The following WWOX variants were observed in gnomAD, a reference collection of about 807,000 sequenced individuals.
WWOX encodes WW domain-containing oxidoreductase.
Under a neutral mutation model 46.2 loss-of-function variants are expected in WWOX, and 69 were observed. That is an observed-to-expected ratio of 1.49 (90% confidence interval 1.23 to 1.82). The LOEUF is 1.82. Among genes scored for constraint, WWOX ranks in the 40% most tolerant of loss-of-function variants. The probability of loss-of-function intolerance (pLI) is 0.00; values close to 1 mark genes in which losing one functional copy is unlikely to be tolerated. For missense variants in WWOX, 919 were observed against 542.6 expected (o/e 1.69, Z -6.89); for synonymous variants, 359 against 202.6 (o/e 1.77, Z -6.56).
chr16:78,324,086 A>G (rs2080553409), intron 5 of WWOX, among the ~76,000 whole-genome samples: 1 of 152,120 alleles, frequency 6.6e-6, no homozygotes, highest in Non-Finnish European at 1.5e-5. Context: ...TCAAGGCTAC[A>G]GTAAGCTTGA....
At chr16:79,210,565 C>A (rs1425950537) in intron 8 of WWOX, among the ~76,000 whole-genome samples, 1 of 152,144 alleles carries the variant, frequency 6.6e-6, no homozygotes, top group Non-Finnish European at 1.5e-5. Flanking sequence ...CTCTTGCAAC[C>A]CCTCTCCCTC....
At chr16:78,759,539 G>A (rs1362036263) in intron 8 of WWOX, among the ~76,000 whole-genome samples, 1 of 151,986 alleles carries the variant, frequency 6.6e-6, no homozygotes, top group African/African-American at 2.4e-5. Flanking sequence ...CCATATCTCG[G>A]GCACAAACCT....
intron 8 of WWOX, among the ~76,000 whole-genome samples, chr16:78,561,215 G>T (rs1207947873): frequency 6.6e-6 from 1 of 152,164 alleles, no homozygotes; most frequent in East Asian, 1.9e-4. Flanking sequence ...CTCAAAGCCA[G>T]CAACAGAAAC....
At chr16:78,967,249 A>C (rs1350678013) in intron 8 of WWOX, among the ~76,000 whole-genome samples, 1 of 149,808 alleles carries the variant, frequency 6.7e-6, no homozygotes, top group African/African-American at 2.5e-5. Context: ...ATCTAGCCCC[A>C]AACAACTGGG....
chr16:78,662,644 C>T (rs866430158), intron 8 of WWOX, among the ~76,000 whole-genome samples: 3 of 152,196 alleles, frequency 2.0e-5, no homozygotes, highest in African/African-American at 4.8e-5. Flanking sequence ...AAACAACATA[C>T]ATTCATCATT....
intron 8 of WWOX, among the ~76,000 whole-genome samples, chr16:79,005,156 G>C (rs1255601235): frequency 6.6e-6 from 1 of 152,064 alleles, no homozygotes; most frequent in Non-Finnish European, 1.5e-5. Flanking sequence ...TTTCTCTTTT[G>C]CTTGCCTTGT....
chr16:78,334,830 ACATAC>A (rs1256774256), intron 5 of WWOX, among the ~76,000 whole-genome samples: 1 of 106,842 alleles, frequency 9.4e-6, no homozygotes, highest in Non-Finnish European at 1.9e-5. Context: ...ACACACACAC[ACATAC>A]ACACACACAC....
intron 5 of WWOX, among the ~76,000 whole-genome samples, chr16:78,230,868 C>G (rs571065432): frequency 2.6e-5 from 4 of 152,336 alleles, no homozygotes; most frequent in African/African-American, 9.6e-5. Flanking sequence ...TTTAGATTCT[C>G]CATGCCACTC....
chr16:78,314,688 GTTTTTTTTTTTTGTT>G (rs1478420759), intron 5 of WWOX, among the ~76,000 whole-genome samples: 1 of 90,512 alleles, frequency 1.1e-5, no homozygotes, highest in African/African-American at 4.9e-5. Context: ...CCCTGCAGGG[GTTTTTTTTTTTTGTT>G]TTTTTTTTTT....
At chr16:78,526,936 A>G (rs530121517) in intron 8 of WWOX, among the ~76,000 whole-genome samples, 1 of 152,278 alleles carries the variant, frequency 6.6e-6, no homozygotes, top group South Asian at 2.1e-4. Flanking sequence ...AGGCCGAGGC[A>G]GGTGGATCAC....
chr16:78,303,623 C>T (rs2080082037), intron 5 of WWOX, among the ~76,000 whole-genome samples: 1 of 152,212 alleles, frequency 6.6e-6, no homozygotes. Flanking sequence ...CGGCTCACTG[C>T]AACCTCCACC....
Position 78,947,372 on chromosome 16 carries a change from C to CT in WWOX, c.1057-264234dup, listed in dbSNP as rs563187854. ...CCCTAGCTGCATTTGTTATTTTTCT[C>CT]TTCCCCCCCTTAGCTGTATCCCTGC... On this transcript the variant is annotated intron_variant, in intron 8 of 8. Transcript: ENST00000566780. Among the ~76,000 whole-genome samples the CT allele has an allele frequency of 9.3e-4, 135 of 145,454 alleles. 4 individuals are homozygous for CT. In the South Asian group the frequency reaches 0.026, roughly 28 times the overall value.
chr16:79,208,631 A>ATC (rs143257890), intron 8 of WWOX, among the ~76,000 whole-genome samples: 3 of 151,074 alleles, frequency 2.0e-5, no homozygotes, highest in African/African-American at 7.3e-5. Flanking sequence ...TGCTCTTTAA[A>ATC]TTTTTTTTTT....
At chr16:78,444,068 G>C (rs776807180) in intron 8 of WWOX, among the ~76,000 whole-genome samples, 65 of 152,136 alleles carry the variant, frequency 4.3e-4, no homozygotes, top group Admixed American at 2.4e-3. Flanking sequence ...AAAACAAAGA[G>C]GGCTGAAACC....
chr16:78,390,917 G>A (rs573795324), intron 6 of WWOX, among the ~76,000 whole-genome samples: 4 of 152,274 alleles, frequency 2.6e-5, no homozygotes, highest in Non-Finnish European at 4.4e-5. Flanking sequence ...TTAATATGCC[G>A]TTTCAAAGCC....
At chr16:78,866,706 C>G (rs377564037) in intron 8 of WWOX, among the ~76,000 whole-genome samples, 8 of 152,306 alleles carry the variant, frequency 5.3e-5, no homozygotes, top group Non-Finnish European at 1.0e-4. Context: ...GCAGAGCACG[C>G]AAATCAAGGA....
chr16:79,203,366 C>G (rs150426200), intron 8 of WWOX: 1 of 152,134 alleles, frequency 6.6e-6, no homozygotes, highest in African/African-American at 2.4e-5. Flanking sequence ...TTTGAAATAG[C>G]GGGGCTGGAC....
At chr16:78,541,957 T>C (rs879756984) in intron 8 of WWOX, among the ~76,000 whole-genome samples, 8 of 143,978 alleles carry the variant, frequency 5.6e-5, no homozygotes, top group Admixed American at 1.5e-4. Flanking sequence ...TGGGACTATT[T>C]GCATGGATTG....
At chr16:78,470,071 C>T (rs4624194) in intron 8 of WWOX, among the ~76,000 whole-genome samples, 18,128 of 152,228 alleles carry the variant, frequency 0.12, 1,254 homozygotes, top group Non-Finnish European at 0.16. Context: ...TGACTCTTGC[C>T]AATTAGCAGG....
Sources: allele counts gnomAD v4.1 joint callset (sites outside exome capture counted in the v4.1 genomes callset), GRCh38; gene constraint gnomAD v4.1.1; transcripts MANE v1.5; gene names NCBI Gene and HGNC (gene_info 2026-07-23, HGNC 2026-07-21).